UNC13C: variants seen among roughly 807,000 people sequenced by gnomAD.
UNC13C encodes unc-13 homolog C.
UNC13C carries 174 observed loss-of-function variants against 245.4 expected under a neutral mutation model. That is an observed-to-expected ratio of 0.71 (90% CI 0.63 to 0.80). The LOEUF is 0.80. Ranked by LOEUF, UNC13C falls within the 30% of genes least tolerant of loss-of-function variation. UNC13C has a pLI of 0.00. For missense variants in UNC13C, 2,829 were observed against 2,602.9 expected (o/e 1.09, Z -1.89); for synonymous variants, 992 against 895.1 (o/e 1.11, Z -1.93).
chr15:53,852,485 T>G, the UNC13C span, among the ~76,000 whole-genome samples: 1 of 152,154 alleles, frequency 6.6e-6, no homozygotes, highest in Non-Finnish European at 1.5e-5. Flanking sequence ...AGATGGATAT[T>G]CAGCCACAGA....
At chr15:54,584,371 T>C (rs1425097565) in intron 30 of UNC13C, among the ~76,000 whole-genome samples, 2 of 152,218 alleles carry the variant, frequency 1.3e-5, no homozygotes, top group African/African-American at 4.8e-5. Context: ...ACTGAAGTCA[T>C]TTTATTCCCT....
At chr15:54,370,499 A>G (rs2039465802) in intron 17 of UNC13C, among the ~76,000 whole-genome samples, 2 of 152,178 alleles carry the variant, frequency 1.3e-5, no homozygotes, top group African/African-American at 4.8e-5. Context: ...CTTCCTGACA[A>G]TGAGCAATCT....
At chr15:54,167,470 C>T (rs1436662735) in intron 4 of UNC13C, among the ~76,000 whole-genome samples, 2 of 142,840 alleles carry the variant, frequency 1.4e-5, no homozygotes, top group East Asian at 4.0e-4. Context: ...CCACTGCACT[C>T]CAGCCTGGGT....
chr15:54,371,798 C>T (rs747266550), intron 17 of UNC13C, among the ~76,000 whole-genome samples: 13 of 152,036 alleles, frequency 8.6e-5, no homozygotes, highest in East Asian at 3.9e-4. Flanking sequence ...TGTGGCAACA[C>T]GTATGAACCT....
chr15:53,976,064 T>A (rs1328530700), upstream of UNC13C, among the ~76,000 whole-genome samples: 3 of 152,188 alleles, frequency 2.0e-5, no homozygotes, highest in African/African-American at 7.2e-5. Context: ...TACTCAGTAG[T>A]GAAAACTACT....
intron 30 of UNC13C, among the ~76,000 whole-genome samples, chr15:54,577,204 CT>C (rs71105820): frequency 0.024 from 3,606 of 151,798 alleles, 64 homozygotes; most frequent in Non-Finnish European, 0.034. Flanking sequence ...AAAAAGACTA[CT>C]TTTTTTTGGC....
rs372243263 is a variant in UNC13C, at chr15:54,549,421, C to T, written c.5821-214C>T. ...CCTAGTCATTAACCTAAACTTAAGA[C>T]TTTGAAAAGTGGGACACCTATGAGG... On this transcript the variant is annotated intron_variant, in intron 27 of 32. Coordinates refer to ENST00000260323, the MANE Select transcript of UNC13C (RefSeq NM_001080534.3). Among the ~76,000 whole-genome samples the T allele has an allele frequency of 4.6e-5, 7 of 152,228 alleles. No individual in the cohort carries two copies. In the South Asian group the frequency reaches 6.2e-4, roughly 14 times the overall value.
chr15:54,089,039 G>A (rs1899412058), intron 2 of UNC13C, among the ~76,000 whole-genome samples: 1 of 152,126 alleles, frequency 6.6e-6, no homozygotes, highest in Non-Finnish European at 1.5e-5. Context: ...ACAGGCTCAT[G>A]CCCTGAACAT....
chr15:54,523,063 A>G (rs905571484), intron 24 of UNC13C, among the ~76,000 whole-genome samples: 2 of 152,222 alleles, frequency 1.3e-5, no homozygotes, highest in Admixed American at 6.5e-5. Context: ...AATTTTAAAA[A>G]TATGCTATTG....
intron 4 of UNC13C, among the ~76,000 whole-genome samples, chr15:54,186,035 G>A (rs1348875649): frequency 2.0e-5 from 3 of 151,382 alleles, no homozygotes; most frequent in African/African-American, 7.3e-5. Context: ...TGAAGCAATT[G>A]TGAATGGGAG....
the UNC13C span, among the ~76,000 whole-genome samples, chr15:53,863,510 A>C: frequency 6.6e-6 from 1 of 152,220 alleles, no homozygotes; most frequent in Non-Finnish European, 1.5e-5. Context: ...ATACAGGCAC[A>C]ACAGATTTTA....
chr15:54,322,191 C>T (rs1238841577), intron 14 of UNC13C, 96 bp downstream of exon 14: 1 of 1,233,442 alleles, frequency 8.1e-7, no homozygotes, highest in Non-Finnish European at 1.1e-6. Flanking sequence ...AATCTTATTG[C>T]AGAAAGGACA....
chr15:53,959,554 T>C, the UNC13C span, among the ~76,000 whole-genome samples: 3 of 152,180 alleles, frequency 2.0e-5, no homozygotes, highest in Non-Finnish European at 2.9e-5. Flanking sequence ...ACTCTGTTGA[T>C]TTTTCACCCA....
At chr15:54,404,674 A>G (rs2040258002) in intron 18 of UNC13C, among the ~76,000 whole-genome samples, 1 of 152,168 alleles carries the variant, frequency 6.6e-6, no homozygotes, top group Non-Finnish European at 1.5e-5. Flanking sequence ...GGAATATTTA[A>G]TGTACCATAT....
At chr15:54,565,320 A>G (rs1210003970) in intron 29 of UNC13C, among the ~76,000 whole-genome samples, 3 of 151,946 alleles carry the variant, frequency 2.0e-5, no homozygotes, top group African/African-American at 7.2e-5. Flanking sequence ...CTGGCTCATG[A>G]TACAGATTTA....
At chr15:53,864,433 A>C in the UNC13C span, among the ~76,000 whole-genome samples, 1 of 152,168 alleles carries the variant, frequency 6.6e-6, no homozygotes, top group Non-Finnish European at 1.5e-5. Flanking sequence ...CTTTCTCTTA[A>C]CCTCTTTCAA....
chr15:54,590,527 GGTTT>G (rs559924634), intron 30 of UNC13C, among the ~76,000 whole-genome samples: 38 of 151,862 alleles, frequency 2.5e-4, no homozygotes, highest in African/African-American at 8.4e-4. Flanking sequence ...TATTCCTAAG[GGTTT>G]GTTTGTTTGT....
At position 54,015,075 on chromosome 15, in the gene UNC13C, T is replaced by C. The variant is rs758254475; in HGVS notation, c.2172T>C (p.Pro724=). 13 of 1,612,850 alleles carry C rather than the reference T, an allele frequency of 8.1e-6. No homozygotes were observed. The Admixed American group carries it at 2.0e-4, about 25-fold the overall frequency. The change falls in exon 2 of 33, where the codon CCT becomes CCC. Residue 724 remains proline, a synonymous_variant. Transcript: ENST00000260323. ...LTQDDNSSPC[P]GLDNEPQGQW... is the part of the protein sequence containing the mutation. Reference sequence around the variant, plus strand: ...AAGATGACAATTCTTCTCCATGCCCTGGCTTGGATAATGAACCACAAGGCC... The same window carrying C: ...AAGATGACAATTCTTCTCCATGCCCCGGCTTGGATAATGAACCACAAGGCC...
intron 4 of UNC13C, among the ~76,000 whole-genome samples, chr15:54,188,932 A>G (rs2034087283): frequency 6.6e-6 from 1 of 152,138 alleles, no homozygotes; most frequent in African/African-American, 2.4e-5. Flanking sequence ...ACCGTTTCCA[A>G]ATTTTCTAGA....
Sources: gnomAD v4.1 joint callset for allele counts (sites outside exome capture counted in the v4.1 genomes callset) on GRCh38, gnomAD v4.1.1 for gene constraint, MANE v1.5 for transcripts, NCBI Gene and HGNC (gene_info 2026-07-23, HGNC 2026-07-21) for gene names.